RASSF3: variants seen among roughly 807,000 people sequenced by gnomAD.
The protein encoded by RASSF3 is ras association domain-containing protein 3.
RASSF3 carries 19 observed loss-of-function variants against 19.9 expected under a neutral mutation model. That is an observed-to-expected ratio of 0.96 (90% CI 0.67 to 1.40). The LOEUF (loss-of-function observed/expected upper bound fraction) is 1.40. Ranked by LOEUF, RASSF3 falls within the 40% of genes most tolerant of loss-of-function variation. The pLI is 0.00. For synonymous variants in RASSF3, 110 were observed against 104.2 expected, an observed-to-expected ratio of 1.06 and a Z score of -0.34; for missense variants, 306 against 289.8, an observed-to-expected ratio of 1.06 and a Z score of -0.41.
chr12:64,661,771 T>A (rs1872373033), intron 1 of RASSF3, among the ~76,000 whole-genome samples: 2 of 140,404 alleles, frequency 1.4e-5, no homozygotes, highest in African/African-American at 5.2e-5. Flanking sequence ...AGCCTCCACC[T>A]CCTGGGTTCA....
intron 4 of RASSF3, among the ~76,000 whole-genome samples, chr12:64,693,164 T>A (rs12425695): frequency 0.048 from 7,218 of 150,078 alleles, 281 homozygotes; most frequent in Admixed American, 0.11. Flanking sequence ...TTTTTTTTTT[T>A]AAATAACCAG....
At chr12:64,546,546 A>C (rs1345496888), downstream of RASSF3, among the ~76,000 whole-genome samples, 3 of 152,334 alleles carry the variant, frequency 2.0e-5, no homozygotes, top group East Asian at 3.9e-4. Context: ...CTGGGATAAA[A>C]GGCGTGAGCC....
chr12:64,512,322 G>T (rs1441152794), intron 1 of RASSF3, among the ~76,000 whole-genome samples: 1 of 152,080 alleles, frequency 6.6e-6, no homozygotes, highest in East Asian at 1.9e-4. Context: ...ACCTATAAAA[G>T]CAAATAAATG....
chr12:64,650,878 G>A (rs539193883), intron 1 of RASSF3, among the ~76,000 whole-genome samples: 14 of 152,204 alleles, frequency 9.2e-5, no homozygotes, highest in African/African-American at 2.4e-4. Context: ...CCCTTGCACC[G>A]AGTATTTACT....
upstream of RASSF3, among the ~76,000 whole-genome samples, chr12:64,605,974 A>T (rs996295848): frequency 4.6e-5 from 7 of 151,742 alleles, no homozygotes; most frequent in African/African-American, 1.7e-4. Context: ...AAACCTGGTT[A>T]ATCAAAGAGC....
intron 1 of RASSF3, among the ~76,000 whole-genome samples, chr12:64,644,599 A>G (rs1871664896): frequency 6.6e-6 from 1 of 152,148 alleles, no homozygotes; most frequent in Non-Finnish European, 1.5e-5. Flanking sequence ...CGGGAGGCTA[A>G]GGTGGGAAGA....
chr12:64,609,898 T>G (rs574652443), upstream of RASSF3, among the ~76,000 whole-genome samples: 1 of 152,306 alleles, frequency 6.6e-6, no homozygotes, highest in South Asian at 2.1e-4. Context: ...CTCAAATGAA[T>G]GACCAGAAAG....
In RASSF3 at chr12:64,682,545, T is replaced by C. The variant is rs1284097819; in HGVS notation, c.112-2242T>C. Among the ~76,000 whole-genome samples, 4 of 144,086 alleles carry C rather than the reference T, an allele frequency of 2.8e-5. No homozygotes were observed. The East Asian group carries it at 6.1e-4, about 22-fold the overall frequency. 94.5% of individuals were successfully genotyped at this position (144,086 alleles called of 152,430 possible). Reference sequence around the variant, plus strand: ...TCCGGCCACTGCACTCCAGCCTGGGTGACAGAGCAAGACTCCGTCTCAAAA... The same window carrying C: ...TCCGGCCACTGCACTCCAGCCTGGGCGACAGAGCAAGACTCCGTCTCAAAA... On this transcript the variant is annotated intron_variant, in intron 1 of 4. Coordinates refer to ENST00000542104, the MANE Select transcript of RASSF3 (RefSeq NM_178169.4).
chr12:64,536,594 T>C (rs1868832332), intron 1 of RASSF3, among the ~76,000 whole-genome samples: 1 of 151,708 alleles, frequency 6.6e-6, no homozygotes, highest in Non-Finnish European at 1.5e-5. Flanking sequence ...AGGAGAGCCT[T>C]GGGACTTAAA....
At chr12:64,683,501 TG>T (rs1326983176) in intron 1 of RASSF3, among the ~76,000 whole-genome samples, 19 of 152,156 alleles carry the variant, frequency 1.2e-4, no homozygotes, top group African/African-American at 4.3e-4. Context: ...ACTGGAAGGG[TG>T]GGAAGGAGAA....
At chr12:64,624,918 C>T (rs559352887) in intron 1 of RASSF3, among the ~76,000 whole-genome samples, 4 of 151,502 alleles carry the variant, frequency 2.6e-5, no homozygotes, top group Non-Finnish European at 4.4e-5. Context: ...CTGCCCGCCT[C>T]GGCCTCCCAA....
At chr12:64,672,505 T>C (rs1565867342) in intron 1 of RASSF3, among the ~76,000 whole-genome samples, 1 of 152,074 alleles carries the variant, frequency 6.6e-6, no homozygotes, top group Non-Finnish European at 1.5e-5. Context: ...GGATTACAGG[T>C]GTGAGCTATC....
At chr12:64,559,305 G>A (rs1869307752) in intron 2 of RASSF3, among the ~76,000 whole-genome samples, 1 of 149,018 alleles carries the variant, frequency 6.7e-6, no homozygotes. Flanking sequence ...GTGCAGTGGC[G>A]CGATCTCGGT....
At chr12:64,692,598 T>G (rs931465909) in intron 4 of RASSF3, among the ~76,000 whole-genome samples, 1 of 152,234 alleles carries the variant, frequency 6.6e-6, no homozygotes, top group Non-Finnish European at 1.5e-5. Flanking sequence ...GACTTGGCTT[T>G]GCAGATGGTG....
chr12:64,689,804 T>TTTTTTTTTTTTTTTTTA (rs11272662), intron 3 of RASSF3, among the ~76,000 whole-genome samples: 1 of 146,316 alleles, frequency 6.8e-6, no homozygotes, highest in African/African-American at 2.5e-5. Flanking sequence ...TTTTTTTTTT[T>TTTTTTTTTTTTTTTTTA]GAGACGGAGT....
chr12:64,684,262 T>C (rs2136218451), intron 1 of RASSF3, among the ~76,000 whole-genome samples: 1 of 151,500 alleles, frequency 6.6e-6, no homozygotes, highest in South Asian at 2.1e-4. Flanking sequence ...ATTTTTGTAT[T>C]TTTTGTAGAG....
upstream of RASSF3, among the ~76,000 whole-genome samples, chr12:64,605,944 G>A (rs1019141451): frequency 2.0e-5 from 3 of 147,258 alleles, no homozygotes; most frequent in Non-Finnish European, 4.5e-5. Flanking sequence ...ATAACAAGAA[G>A]TCCTAATTAG....
chr12:64,592,046 C>A (rs533056693), intron 2 of RASSF3, among the ~76,000 whole-genome samples: 1 of 152,080 alleles, frequency 6.6e-6, no homozygotes, highest in South Asian at 2.1e-4. Context: ...GGACTACAGG[C>A]GTATGCCACA....
At chr12:64,529,990 C>G (rs999102566), upstream of RASSF3, among the ~76,000 whole-genome samples, 1 of 152,134 alleles carries the variant, frequency 6.6e-6, no homozygotes, top group Admixed American at 6.5e-5. Flanking sequence ...CCAACCTACT[C>G]CCATCTCAGA....
Sources: allele counts gnomAD v4.1 joint callset (sites outside exome capture counted in the v4.1 genomes callset), GRCh38; gene constraint gnomAD v4.1.1; transcripts MANE v1.5; gene names NCBI Gene and HGNC (gene_info 2026-07-23, HGNC 2026-07-21).